Variants in TTN observed in about 807,000 individuals in gnomAD.
TTN encodes the protein titin, also known as connectin.
A neutral mutation model predicts 3,223.0 loss-of-function variants in TTN; 1,525 were observed. The ratio of observed to expected loss-of-function variants is 0.47; its 90% CI spans 0.45 to 0.49. The LOEUF (loss-of-function observed/expected upper bound fraction) is 0.49, where lower values mean the gene tolerates loss of function less well. Among genes scored for constraint, TTN ranks in the 20% least tolerant of loss-of-function variants. The pLI, the probability that TTN is intolerant of heterozygous loss-of-function variation, is 0.00. For synonymous variants in TTN, 14,094 were observed against 15,161.0 expected (o/e 0.93, Z 5.17); for missense variants, 40,786 against 43,424.0 (o/e 0.94, Z 5.40).
Position 178,704,517 on chromosome 2 carries a change from AG to A in TTN, c.29954del (p.Thr9985MetfsTer2). 6.2e-7 allele frequency: 1 copy of A among 1,604,034 alleles called. No individual in the cohort carries two copies. Among genetic ancestry groups the A allele is most frequent in the South Asian group, 1.1e-5 (1 of 89,378 alleles). On this transcript the variant is annotated frameshift_variant, in exon 105 of 363. Coordinates refer to ENST00000589042, the MANE Select transcript of TTN (RefSeq NM_001267550.2). LOFTEE classifies it high-confidence loss of function. ...AAGCCTTTTCTAACTTACCAATTAC[AG>A]TTAGTTTAGCGCTAGCGATGTGTGG... ...CGPHIASAKL[T>X]VIEPAWERHL...
At chr2:178,771,675 C>A (rs2091508440) in intron 33 of TTN, among the ~76,000 whole-genome samples, 1 of 152,072 alleles carries the variant, frequency 6.6e-6, no homozygotes, top group Non-Finnish European at 1.5e-5. Flanking sequence ...AGGAGAAATA[C>A]TGGAATCAGA....
At position 178,617,852 on chromosome 2, in the gene TTN, C is replaced by T. The variant is rs750524583; in HGVS notation, c.47499G>A (p.Val15833=). 2 of 1,612,586 alleles carry T rather than the reference C, an allele frequency of 1.2e-6. No homozygotes were observed. The highest frequency in any genetic ancestry group is 3.3e-5 in the Admixed American group (2 of 59,924). ...VVEGQEYSFR[V]RAQNRIGVGK... is the part of the protein sequence containing the mutation. ...CAACTCCAATTCGATTTTGGGCTCT[C>T]ACTCGGAAACTGTACTCCTGTCCTT... Residue 15833 remains valine, a synonymous_variant, in exon 253 of 363, where the codon GTG becomes GTA. Coordinates refer to ENST00000589042, the MANE Select transcript of TTN (RefSeq NM_001267550.2).
intron 138 of TTN, among the ~76,000 whole-genome samples, chr2:178,680,665 CAG>C (rs951412168): frequency 3.3e-5 from 5 of 151,758 alleles, no homozygotes; most frequent in East Asian, 1.9e-4. Flanking sequence ...TAGTATGAAT[CAG>C]GGGGAAAATG....
rs2060334191 is a variant in TTN, at chr2:178,635,568, T to C, written c.41756A>G (p.Asp13919Gly). Residue 13919 changes from aspartate to glycine, a missense_variant, in exon 227 of 363, where the codon GAT becomes GGT. Physicochemically the swap from Asp to Gly is moderately conservative, Grantham distance 94. Transcript: ENST00000589042. ...TCCATCTCTCAGTATTTCAGTCTTA[T>C]CATTTGGTTCCGCAGGGATTTCATC... ...GYDEIPAEPNDKTEILRDGNH... is the reference protein window; with the variant it reads ...GYDEIPAEPNGKTEILRDGNH... The C allele has an allele frequency of 2.5e-6, 4 of 1,594,662 alleles. No individual in the cohort carries two copies. The East Asian group carries it at 9.0e-5, about 36-fold the overall frequency.
Position 178,649,320 on chromosome 2 carries a change from G to A in TTN, c.39985C>T (p.Pro13329Ser), listed in dbSNP as rs1576918751. 6.9e-7 allele frequency: 1 copy of A among 1,453,588 alleles called. No homozygotes were observed. Among genetic ancestry groups the A allele is most frequent in the Non-Finnish European group, 9.0e-7 (1 of 1,110,436 alleles). 90.0% of individuals were successfully genotyped at this position (1,453,588 alleles called of 1,614,324 possible). The change falls in exon 213 of 363, where the codon CCC becomes TCC. Residue 13329 changes from proline to serine, a missense_variant. Physicochemically the swap from Pro to Ser is moderately conservative, Grantham distance 74 (BLOSUM62 -1). Transcript: ENST00000589042. ...TTCTTTACTGGAACAAGTTTCTTGG[G>A]CACCTCAGGCACTTTGAAGATATTA... ...ETPAAKVPEV[P>S]KKLVPVKKEP...
Position 178,631,108 on chromosome 2 carries a change from G to A in TTN, c.43940C>T (p.Ala14647Val), listed in dbSNP as rs1647945461. The change falls in exon 237 of 363, where the codon GCC becomes GTC. Residue 14647 changes from alanine to valine, a missense_variant. Transcript: ENST00000589042. ...GKKRMLILKK[A>V]LKSDIGQYTC... ...GTACTGTCCAATATCTGATTTCAAG[G>A]CTTTCTTTAGGATTAGCATGCGTTT... The A allele has an allele frequency of 6.2e-7, 1 of 1,613,180 alleles. No homozygotes were observed. The highest frequency in any genetic ancestry group is 8.5e-7 in the Non-Finnish European group (1 of 1,179,606).
chr2:178,581,208 T>C (rs2047659117), intron 316 of TTN, among the ~76,000 whole-genome samples: 1 of 152,080 alleles, frequency 6.6e-6, no homozygotes, highest in Non-Finnish European at 1.5e-5. Context: ...AAGGCCTCTT[T>C]ATTCCTAAAA....
In TTN at chr2:178,572,003, T is replaced by G; in HGVS notation, c.74129A>C (p.Lys24710Thr). Residue 24710 changes from lysine to threonine, a missense_variant, in exon 326 of 363, where the codon AAA (lysine) becomes ACA (threonine). Lys to Thr is a moderately conservative substitution (Grantham distance 78, BLOSUM62 -1). Coordinates refer to ENST00000589042, the MANE Select transcript of TTN (RefSeq NM_001267550.2). ...GAAGGCTGGTGGAATGACAAGATCT[T>G]TGGCGATCACTGGCACACTCAGTTG... ...PRQLSVPVIA[K>T]DLVIPPAFKL... 6.2e-7 allele frequency: 1 copy of G among 1,613,302 alleles called. No individual in the cohort carries two copies. Among genetic ancestry groups the G allele is most frequent in the Non-Finnish European group, 8.5e-7 (1 of 1,179,580 alleles).
Position 178,557,812 on chromosome 2 carries a change from C to T in TTN, c.87542G>A (p.Ser29181Asn), listed in dbSNP as rs768624965. 3.7e-6 allele frequency: 6 copies of T among 1,613,942 alleles called. No individual in the cohort carries two copies. The highest frequency in any genetic ancestry group is 5.1e-6 in the Non-Finnish European group (6 of 1,179,844). The change falls in exon 328 of 363, where the codon AGT (serine) becomes AAT (asparagine). Residue 29181 changes from serine to asparagine, a missense_variant. Ser to Asn is a conservative substitution (Grantham distance 46). Coordinates refer to ENST00000589042, the MANE Select transcript of TTN (RefSeq NM_001267550.2). ...AGACACTTCAGTCCACACTGCAGTACTTGTTTCTCTTTTGAGTAGAATGTA... is the reference window on the plus strand; with the variant it reads ...AGACACTTCAGTCCACACTGCAGTATTTGTTTCTCTTTTGAGTAGAATGTA... Reference protein sequence around the residue: ...TNYILLKRETSTAVWTEVSAT... With the variant: ...TNYILLKRETNTAVWTEVSAT...
chr2:178,567,106 C>T lies in TTN; in HGVS notation c.79026G>A (p.Val26342=), dbSNP rs1559358175. The part of the protein sequence containing the change: ...LAWTVVASEV[V]TNSLKVTKLL... The stretch of plus-strand genomic sequence containing the variant: ...GTTTGGTAACTTTCAGAGAATTGGT[C>T]ACAACTTCTGAAGCAACAACAGTCC... The change falls in exon 326 of 363, where the codon GTG becomes GTA. Residue 26342 remains valine, a synonymous_variant. Coordinates refer to ENST00000589042, the MANE Select transcript of TTN (RefSeq NM_001267550.2). 1.2e-6 allele frequency: 2 copies of T among 1,613,478 alleles called. No individual in the cohort carries two copies. The highest frequency in any genetic ancestry group is 8.5e-7 in the Non-Finnish European group (1 of 1,179,600).
chr2:178,667,513 G>T lies in TTN; in HGVS notation c.35642C>A (p.Pro11881His). 1 of 1,597,452 alleles carries T rather than the reference G, an allele frequency of 6.3e-7. No homozygotes were observed. The highest frequency in any genetic ancestry group is 8.5e-7 in the Non-Finnish European group (1 of 1,179,084). Residue 11881 changes from proline to histidine, a missense_variant, in exon 161 of 363, where the codon CCC (proline) becomes CAC (histidine). Physicochemically the swap from Pro to His is moderately conservative, Grantham distance 77. Transcript: ENST00000589042. ...KPKLAKVPEP[P>H]KKVVPEDKIY... ...TTTGTCTTCTGGAACAACTTTCTTG[G>T]GTGGCTCAGGCACTTAAAAGATATG...
At chr2:178,617,049 A>G in intron 255 of TTN, 36 bp from the exon 256 acceptor site, 1 of 1,611,426 alleles carries the variant, frequency 6.2e-7, no homozygotes, top group Non-Finnish European at 8.5e-7. Context: ...TTGCAGTGCC[A>G]TATTTAAGTC....
In TTN at chr2:178,612,088, G is replaced by C; in HGVS notation, c.50323C>G (p.Pro16775Ala). 6.2e-7 allele frequency: 1 copy of C among 1,611,736 alleles called. No homozygotes were observed. The highest frequency in any genetic ancestry group is 8.5e-7 in the Non-Finnish European group (1 of 1,178,848). ...ATTGGTCTTCCACCATCATTTTTAG[G>C]TGGCTCCCACTTTAGGTCAACATGT... ...KRHVDLKWEPPKNDGGRPIQR... is the reference protein window; with the variant it reads ...KRHVDLKWEPAKNDGGRPIQR... Residue 16775 changes from proline (P) to alanine (A), a missense_variant, in exon 267 of 363, where the codon CCT (proline) becomes GCT (alanine). Transcript: ENST00000589042.
chr2:178,538,634 T>C lies in TTN; in HGVS notation c.99195A>G (p.Glu33065=). ...AAACCCTGAATTCATACTCAGTAGC[T>C]TCCAGCAAACCTCCTATTGTGAATT... ...DKQFTIGGLL[E]ATEYEFRVFA... The change falls in exon 354 of 363, where the codon GAA becomes GAG. Residue 33065 remains glutamate, a synonymous_variant. Transcript: ENST00000589042. 1 of 1,613,800 alleles carries C rather than the reference T, an allele frequency of 6.2e-7. No individual in the cohort carries two copies. Among genetic ancestry groups the C allele is most frequent in the African/African-American group, 1.3e-5 (1 of 75,034 alleles).
chr2:178,593,888 G>A, intron 297 of TTN, 21 bp from the exon 298 acceptor site: 1 of 1,607,044 alleles, frequency 6.2e-7, no homozygotes, highest in South Asian at 1.1e-5. Flanking sequence ...AAAAAATCAT[G>A]GCACAAAATG....
chr2:178,586,807 C>A lies in TTN; in HGVS notation c.64094G>T (p.Ser21365Ile). 1 of 1,607,518 alleles carries A rather than the reference C, an allele frequency of 6.2e-7. No homozygotes were observed. The highest frequency in any genetic ancestry group is 8.5e-7 in the Non-Finnish European group (1 of 1,178,188). The change falls in exon 308 of 363, where the codon AGT becomes ATT. Residue 21365 changes from serine (S) to isoleucine (I), a missense_variant and splice_region_variant. Ser to Ile is a moderately radical substitution (Grantham distance 142, BLOSUM62 -2). Coordinates refer to ENST00000589042, the MANE Select transcript of TTN (RefSeq NM_001267550.2). ...PKPVLASDPL[S>I]EPDPPRKLEV... Reference sequence around the variant, plus strand: ...TAATTTCCTTGGGGGATCCGGCTCACCTAGAAGAAAAACATAATTTAGAAG... The same window carrying A: ...TAATTTCCTTGGGGGATCCGGCTCAACTAGAAGAAAAACATAATTTAGAAG...
At chr2:178,708,992 T>G (rs2076263287) in intron 99 of TTN, among the ~76,000 whole-genome samples, 1 of 152,216 alleles carries the variant, frequency 6.6e-6, no homozygotes, top group Non-Finnish European at 1.5e-5. Context: ...GATTGTGTAT[T>G]TAAATATGTC....
chr2:178,728,580 T>C lies in TTN; in HGVS notation c.19346A>G (p.Lys6449Arg), dbSNP rs1282291767. The change falls in exon 66 of 363, where the codon AAG becomes AGG. Residue 6449 changes from lysine (K) to arginine (R), a missense_variant. Coordinates refer to ENST00000589042, the MANE Select transcript of TTN (RefSeq NM_001267550.2). Reference protein sequence around the residue: ...VASFRIQSVMKQDSGQYTFKV... With the variant: ...VASFRIQSVMRQDSGQYTFKV... ...GAAAGTGTACTGACCGCTGTCCTGC[T>C]TCATTACTGACTGAATTCTAAAACT... The C allele has an allele frequency of 6.2e-7, 1 of 1,613,276 alleles. No individual in the cohort carries two copies. Among genetic ancestry groups the C allele is most frequent in the Non-Finnish European group, 8.5e-7 (1 of 1,179,540 alleles).
In TTN at chr2:178,540,087, G is replaced by T. The variant is rs769671513; in HGVS notation, c.98079C>A (p.Val32693=). The change falls in exon 351 of 363, where the codon GTC becomes GTA. Residue 32693 remains valine, a synonymous_variant. Coordinates refer to ENST00000589042, the MANE Select transcript of TTN (RefSeq NM_001267550.2). The stretch of plus-strand genomic sequence containing the variant: ...TCTCACCAAGCATTTCAGTGACTTT[G>T]ACTGTTCCTGGTACCTCAGCAGGCT... ...PGEPAEVPGT[V]KVTEMLEYPD... is the part of the protein sequence containing the mutation. 19 of 1,603,854 alleles carry T rather than the reference G, an allele frequency of 1.2e-5. No individual in the cohort carries two copies. The highest frequency in any genetic ancestry group is 1.4e-5 in the Non-Finnish European group (17 of 1,173,558).
Sources: gnomAD v4.1 joint callset for allele counts (sites outside exome capture counted in the v4.1 genomes callset) on GRCh38, gnomAD v4.1.1 for gene constraint, MANE v1.5 for transcripts, NCBI Gene and HGNC (gene_info 2026-07-23, HGNC 2026-07-21) for gene names.